The following TMEM132B variants were observed in gnomAD, a reference collection of about 807,000 sequenced individuals.
The protein encoded by TMEM132B is transmembrane protein 132B.
TMEM132B carries 18 observed loss-of-function variants against 90.8 expected under a neutral mutation model. The observed-to-expected ratio is 0.20, with a 90% CI of 0.14 to 0.29. The LOEUF is 0.29. Ranked by LOEUF, TMEM132B falls within the 10% of genes least tolerant of loss-of-function variation. The probability of loss-of-function intolerance (pLI) is 1.00; values close to 1 mark genes in which losing one functional copy is unlikely to be tolerated. For missense variants in TMEM132B, 1,096 were observed against 1,326.8 expected (o/e 0.83, Z 2.70); for synonymous variants, 504 against 523.3 (o/e 0.96, Z 0.50).
chr12:125,270,814 G>A (rs903458378), intron 1 of TMEM132B, among the ~76,000 whole-genome samples: 2 of 152,084 alleles, frequency 1.3e-5, no homozygotes, highest in Non-Finnish European at 2.9e-5. Flanking sequence ...GTGCAGTAGA[G>A]GTACTTGGGG....
rs1484264572 is a variant in TMEM132B at position 125,260,902 on chromosome 12, C to T, written c.67+74036C>T. Among the ~76,000 whole-genome samples, 14 of 147,286 alleles carry T rather than the reference C, an allele frequency of 9.5e-5. No individual in the cohort carries two copies. In the South Asian group the frequency reaches 2.9e-3, roughly 30 times the overall value. ...CTGCACTGCAGCCTGGGCGTCAGAG[C>T]GAGACCCTGTCTCTACAGATTGTGT... On this transcript the variant is annotated intron_variant, in intron 1 of 8. Transcript: ENST00000682704.
intron 5 of TMEM132B, among the ~76,000 whole-genome samples, chr12:125,641,496 T>G (rs1477004355): frequency 6.6e-6 from 1 of 152,194 alleles, no homozygotes; most frequent in Non-Finnish European, 1.5e-5. Flanking sequence ...TTAATTGAAT[T>G]ACTTAAAATG....
In TMEM132B at chr12:125,241,986, C is replaced by T. The variant is rs953731913; in HGVS notation, c.67+55120C>T. ...ACTCAGTTCTGGTTTGAAGTTCTGT[C>T]CCAGCATGTAGCAGGTCCTCCAAAG... is the stretch of plus-strand genomic sequence containing the variant. On this transcript the variant is annotated intron_variant, in intron 1 of 8. Transcript: ENST00000682704. Among the ~76,000 whole-genome samples, 3 of 152,162 alleles carry T rather than the reference C, an allele frequency of 2.0e-5. No homozygotes were observed. The South Asian group carries it at 6.2e-4, about 32-fold the overall frequency.
At chr12:125,483,782 C>A (rs1882123541) in intron 3 of TMEM132B, among the ~76,000 whole-genome samples, 1 of 152,132 alleles carries the variant, frequency 6.6e-6, no homozygotes. Flanking sequence ...TAGGGTTGTG[C>A]CTTTAATATT....
intron 1 of TMEM132B, among the ~76,000 whole-genome samples, chr12:125,233,604 T>TTA: frequency 6.6e-6 from 1 of 152,314 alleles, no homozygotes; most frequent in Admixed American, 6.5e-5. Context: ...CTGCCTCAAA[T>TTA]AAACTTGGGG....
chr12:125,506,600 C>T (rs749406813), intron 3 of TMEM132B, among the ~76,000 whole-genome samples: 8 of 152,006 alleles, frequency 5.3e-5, no homozygotes, highest in Non-Finnish European at 1.2e-4. Flanking sequence ...TGGCTCTTTC[C>T]ATGCAACTCT....
At chr12:125,592,786 C>T (rs1279079937) in intron 5 of TMEM132B, among the ~76,000 whole-genome samples, 2 of 152,120 alleles carry the variant, frequency 1.3e-5, no homozygotes, top group Non-Finnish European at 2.9e-5. Flanking sequence ...CTTAGAGAGG[C>T]GCACCTGAGC....
chr12:125,261,090 T>C, intron 1 of TMEM132B, among the ~76,000 whole-genome samples: 1 of 152,218 alleles, frequency 6.6e-6, no homozygotes, highest in East Asian at 1.9e-4. Context: ...GCGTACCTGC[T>C]TTTCCAGTGC....
At chr12:125,332,454 C>T (rs1028333215) in intron 1 of TMEM132B, among the ~76,000 whole-genome samples, 4 of 152,094 alleles carry the variant, frequency 2.6e-5, no homozygotes, top group African/African-American at 9.7e-5. Context: ...CTTCTGTCAT[C>T]TTCTCTCAAT....
At chr12:125,313,298 A>G (rs80192241) in intron 1 of TMEM132B, among the ~76,000 whole-genome samples, 108 of 152,300 alleles carry the variant, frequency 7.1e-4, no homozygotes, top group African/African-American at 2.5e-3. Flanking sequence ...ATCTGTGTCC[A>G]GTCAGATAGA....
chr12:125,315,446 G>A (rs1172096017), intron 1 of TMEM132B, among the ~76,000 whole-genome samples: 1 of 152,196 alleles, frequency 6.6e-6, no homozygotes, highest in Non-Finnish European at 1.5e-5. Context: ...TGATCCGCCT[G>A]CCTCGGCCTC....
At chr12:125,543,202 A>G (rs115103004) in intron 4 of TMEM132B, among the ~76,000 whole-genome samples, 1,551 of 152,318 alleles carry the variant, frequency 0.01, 28 homozygotes, top group African/African-American at 0.035. Context: ...TCATACTTAT[A>G]GCTTAAAAAT....
intron 4 of TMEM132B, among the ~76,000 whole-genome samples, chr12:125,556,397 A>G (rs1240134863): frequency 6.6e-6 from 1 of 152,224 alleles, no homozygotes; most frequent in Non-Finnish European, 1.5e-5. Context: ...CAAACTAAAC[A>G]TAGTTCATGG....
At chr12:125,637,881 G>C (rs1054483253) in intron 5 of TMEM132B, among the ~76,000 whole-genome samples, 3 of 152,190 alleles carry the variant, frequency 2.0e-5, no homozygotes, top group African/African-American at 7.2e-5. Flanking sequence ...CTGAAAAGAC[G>C]CATTAGGATC....
At chr12:125,584,573 A>C (rs948143140) in intron 5 of TMEM132B, 1 of 152,738 alleles carries the variant, frequency 6.5e-6, no homozygotes, top group African/African-American at 2.4e-5. Context: ...TAACTATTCA[A>C]ATAAAATTAA....
At chr12:125,532,715 A>T (rs1883677691) in intron 4 of TMEM132B, among the ~76,000 whole-genome samples, 1 of 151,984 alleles carries the variant, frequency 6.6e-6, no homozygotes, top group African/African-American at 2.4e-5. Flanking sequence ...GGGTTTCACC[A>T]TGTTGGCCAG....
chr12:125,652,512 C>T lies in TMEM132B; in HGVS notation c.1986C>T (p.Ile662=), dbSNP rs182499222. 62 of 1,613,738 alleles carry T rather than the reference C, an allele frequency of 3.8e-5. No homozygotes were observed. The African/African-American group carries it at 5.2e-4, about 14-fold the overall frequency. ...TVIVLDDRVT[I]AELGVQLVAG... Reference sequence around the variant, plus strand: ...TTGTCCTGGATGACCGAGTCACCATCGCGGAGCTGGGAGTGCAGCTCGTAG... The same window carrying T: ...TTGTCCTGGATGACCGAGTCACCATTGCGGAGCTGGGAGTGCAGCTCGTAG... Residue 662 remains isoleucine (I), a synonymous_variant, in exon 8 of 9, where the codon ATC becomes ATT. Coordinates refer to ENST00000682704, the MANE Select transcript of TMEM132B (RefSeq NM_001366854.1).
chr12:125,428,028 C>G (rs1292384671), intron 3 of TMEM132B, among the ~76,000 whole-genome samples: 1 of 150,764 alleles, frequency 6.6e-6, no homozygotes, highest in Non-Finnish European at 1.5e-5. Flanking sequence ...AAGAAGGTCT[C>G]TCTGTGTTAC....
chr12:125,647,968 A>G (rs1886808770), intron 6 of TMEM132B, among the ~76,000 whole-genome samples: 1 of 147,046 alleles, frequency 6.8e-6, no homozygotes, highest in Admixed American at 6.9e-5. Context: ...TTAGTTACAT[A>G]TGTATACATG....
Sources: allele counts gnomAD v4.1 joint callset (sites outside exome capture counted in the v4.1 genomes callset), GRCh38; gene constraint gnomAD v4.1.1; transcripts MANE v1.5; gene names NCBI Gene and HGNC (gene_info 2026-07-23, HGNC 2026-07-21).